NDST3: variants seen among roughly 807,000 people sequenced by gnomAD.
The protein encoded by NDST3 is bifunctional heparan sulfate N-deacetylase/N-sulfotransferase 3.
In NDST3, 58 loss-of-function variants were observed where a neutral mutation model predicts 96.1. The observed-to-expected ratio is 0.60, with a 90% CI of 0.49 to 0.75. The LOEUF is 0.75. Among genes scored for constraint, NDST3 ranks in the 30% least tolerant of loss-of-function variants. The pLI is 0.00. For missense variants in NDST3, 788 were observed against 1,034.2 expected (o/e 0.76, Z 3.27); for synonymous variants, 333 against 359.7 (o/e 0.93, Z 0.84).
Position 118,066,143 on chromosome 4 carries a change from TTATATATTA to T in NDST3, c.981+11267_981+11275del, listed in dbSNP as rs1360109780. On this transcript the variant is annotated intron_variant, in intron 2 of 13. Transcript: ENST00000296499. Reference sequence around the variant, plus strand: ...TATTATATATATTATATAATATATTTTATATATTATATATATTATATATTATATTTTATA... The same window carrying T: ...TATTATATATATTATATAATATATTTTATATATTATATATTATATTTTATA... Among the ~76,000 whole-genome samples the T allele has an allele frequency of 5.9e-4, 17 of 28,842 alleles. No homozygotes were observed. The East Asian group carries it at 0.017, about 29-fold the overall frequency. 18.9% of individuals were successfully genotyped at this position (28,842 alleles called of 152,430 possible). A position where few individuals can be genotyped will look rare whatever the true frequency, so the allele number is the denominator to read the frequency against.
chr4:118,078,115 C>G (rs1173360626), intron 2 of NDST3, among the ~76,000 whole-genome samples: 3 of 152,150 alleles, frequency 2.0e-5, no homozygotes, highest in Non-Finnish European at 4.4e-5. Context: ...ACGGGGCTCT[C>G]ACTCACTTGC....
intron 2 of NDST3, among the ~76,000 whole-genome samples, chr4:118,056,718 T>C (rs926439786): frequency 9.2e-5 from 14 of 151,838 alleles, no homozygotes; most frequent in African/African-American, 2.4e-4. Flanking sequence ...GAGAGTAGAG[T>C]CATAGGAAAG....
chr4:118,236,646 T>C (rs1740665004), intron 9 of NDST3, among the ~76,000 whole-genome samples: 1 of 152,244 alleles, frequency 6.6e-6, no homozygotes, highest in African/African-American at 2.4e-5. Flanking sequence ...CTAAATCCTT[T>C]TAAAATGTCT....
chr4:118,154,351 C>T (rs1487661944), intron 6 of NDST3, among the ~76,000 whole-genome samples: 1 of 152,072 alleles, frequency 6.6e-6, no homozygotes, highest in Admixed American at 6.6e-5. Flanking sequence ...CATCTTTGTG[C>T]TTTCCATTGT....
chr4:118,153,022 T>A (rs748522808), intron 6 of NDST3, among the ~76,000 whole-genome samples: 3 of 152,234 alleles, frequency 2.0e-5, no homozygotes, highest in Non-Finnish European at 4.4e-5. Flanking sequence ...GAGCAACGGC[T>A]ACCTGAGAAC....
chr4:118,160,689 C>T lies in NDST3; in HGVS notation c.1539+17005C>T, dbSNP rs550495140. On this transcript the variant is annotated intron_variant, in intron 6 of 13. Coordinates refer to ENST00000296499, the MANE Select transcript of NDST3 (RefSeq NM_004784.3). ...GCTCCTGAGGCTTCTGCATTCTTCA[C>T]GTAGTTCTCGAGCCTTGGCTTTCAG... Among the ~76,000 whole-genome samples the T allele has an allele frequency of 3.0e-4, 46 of 152,316 alleles. 2 individuals are homozygous for T. In the South Asian group the frequency reaches 8.3e-3, roughly 27 times the overall value.
chr4:118,240,763 G>GA, intron 11 of NDST3, 69 bp downstream of exon 11: 1 of 1,416,908 alleles, frequency 7.1e-7, no homozygotes, highest in Non-Finnish European at 9.5e-7. Flanking sequence ...TTAAGGTTAA[G>GA]AAAATTTTCA....
intron 6 of NDST3, among the ~76,000 whole-genome samples, chr4:118,178,692 T>C (rs1736417209): frequency 6.6e-6 from 1 of 152,064 alleles, no homozygotes; most frequent in African/African-American, 2.4e-5. Context: ...GTTTTAGGTA[T>C]ATACCCAGAA....
chr4:118,162,524 T>A (rs367824618), intron 6 of NDST3, among the ~76,000 whole-genome samples: 1 of 151,426 alleles, frequency 6.6e-6, no homozygotes, highest in African/African-American at 2.4e-5. Context: ...TAATAAATGG[T>A]GCTGGGAAAA....
intron 6 of NDST3, among the ~76,000 whole-genome samples, chr4:118,150,810 A>C (rs1734338290): frequency 6.6e-6 from 1 of 152,090 alleles, no homozygotes; most frequent in South Asian, 2.1e-4. Flanking sequence ...TAGTTCAACC[A>C]TTGTGGAAGT....
In NDST3 at chr4:118,053,825, A is replaced by G. The variant is rs1465677353; in HGVS notation, c.-86A>G. ...CAATGGTGACATAAACTCTTGACAG[A>G]GATTGGAAAAGTAGCTGGAACACCA... On this transcript the variant is annotated 5_prime_UTR_variant, in exon 2 of 14. Transcript: ENST00000296499. 1.3e-5 allele frequency: 19 copies of G among 1,429,938 alleles called. No homozygotes were observed. Among genetic ancestry groups the G allele is most frequent in the Non-Finnish European group, 1.7e-5 (18 of 1,065,092 alleles). 88.6% of individuals were successfully genotyped at this position (1,429,938 alleles called of 1,614,324 possible).
At chr4:118,102,200 C>T (rs1729819198) in intron 2 of NDST3, among the ~76,000 whole-genome samples, 1 of 151,760 alleles carries the variant, frequency 6.6e-6, no homozygotes, top group African/African-American at 2.4e-5. Context: ...TTGTAAATTA[C>T]CTTCCTATAT....
intron 6 of NDST3, among the ~76,000 whole-genome samples, chr4:118,202,339 T>A (rs937606219): frequency 3.9e-5 from 6 of 152,202 alleles, no homozygotes; most frequent in African/African-American, 1.4e-4. Flanking sequence ...TATTTTAGAA[T>A]CATTTGTTCT....
intron 6 of NDST3, among the ~76,000 whole-genome samples, chr4:118,144,664 GTTTA>G (rs978418975): frequency 1.3e-5 from 2 of 151,850 alleles, no homozygotes; most frequent in Non-Finnish European, 2.9e-5. Context: ...GTAAAGCTAA[GTTTA>G]TTTATCAGAA....
At chr4:118,161,733 G>T (rs1295323050) in intron 6 of NDST3, among the ~76,000 whole-genome samples, 1 of 152,182 alleles carries the variant, frequency 6.6e-6, no homozygotes, top group Non-Finnish European at 1.5e-5. Context: ...GAAAAGTGCA[G>T]TATTAGGGTG....
At chr4:118,148,936 G>A (rs1433491081) in intron 6 of NDST3, among the ~76,000 whole-genome samples, 2 of 152,108 alleles carry the variant, frequency 1.3e-5, no homozygotes, top group Admixed American at 1.3e-4. Flanking sequence ...TTTGTATAAG[G>A]TGTAAGGAAG....
chr4:118,126,712 A>T (rs773443489), intron 4 of NDST3, among the ~76,000 whole-genome samples: 4 of 151,994 alleles, frequency 2.6e-5, no homozygotes, highest in Non-Finnish European at 4.4e-5. Context: ...TATACTCAGC[A>T]GTGGGATTGC....
chr4:118,047,205 G>C (rs968480067), intron 1 of NDST3, among the ~76,000 whole-genome samples: 1 of 152,226 alleles, frequency 6.6e-6, no homozygotes, highest in Non-Finnish European at 1.5e-5. Flanking sequence ...CACAAATAAA[G>C]GCCCTATAGA....
At chr4:118,064,790 T>C (rs1031667281) in intron 2 of NDST3, among the ~76,000 whole-genome samples, 2 of 152,178 alleles carry the variant, frequency 1.3e-5, no homozygotes, top group African/African-American at 4.8e-5. Context: ...ACATCCAACA[T>C]GGGTCTTACT....
Sources: allele counts gnomAD v4.1 joint callset (sites outside exome capture counted in the v4.1 genomes callset), GRCh38; gene constraint gnomAD v4.1.1; transcripts MANE v1.5; gene names NCBI Gene and HGNC (gene_info 2026-07-23, HGNC 2026-07-21).